Variants in IQCB1 observed in about 807,000 individuals in gnomAD.
IQCB1 encodes IQ calmodulin-binding motif-containing protein 1.
In IQCB1, 56 loss-of-function variants were observed where a neutral mutation model predicts 84.4. That is an observed-to-expected ratio of 0.66 (90% CI 0.54 to 0.83). The LOEUF is 0.83. IQCB1 is among the 40% of genes least tolerant of loss of function. The probability of loss-of-function intolerance (pLI) is 0.00; values close to 1 mark genes in which losing one functional copy is unlikely to be tolerated. For missense variants in IQCB1, 629 were observed against 682.1 expected, an observed-to-expected ratio of 0.92 and a Z score of 0.87; for synonymous variants, 210 against 234.8, an observed-to-expected ratio of 0.89 and a Z score of 0.96.
chr3:121,778,591 T>C (rs916086621), intron 13 of IQCB1, among the ~76,000 whole-genome samples: 5 of 152,084 alleles, frequency 3.3e-5, no homozygotes, highest in South Asian at 2.1e-4. Context: ...GACAACTTTT[T>C]TTCCTTTCAG....
chr3:121,787,378 T>A (rs1948776870), intron 12 of IQCB1, among the ~76,000 whole-genome samples: 1 of 152,106 alleles, frequency 6.6e-6, no homozygotes, highest in African/African-American at 2.4e-5. Flanking sequence ...GTCATTAAAT[T>A]TAAAAAACCA....
Position 121,785,561 on chromosome 3 carries a change from T to C in IQCB1, c.1278+2723A>G, listed in dbSNP as rs1288854476. 7.9e-5 allele frequency among the ~76,000 whole-genome samples: 12 copies of C among 152,338 alleles called. No individual in the cohort carries two copies. In the East Asian group the frequency reaches 9.6e-4, roughly 12 times the overall value. On this transcript the variant is annotated intron_variant, in intron 12 of 14. Transcript: ENST00000310864. ...GCCAACAGAAATGTAAGGTGAGTCA[T>C]ATATGTAATTTTAAATTTTCTAGTA...
chr3:121,797,766 C>T (rs1233327966), intron 8 of IQCB1, among the ~76,000 whole-genome samples: 1 of 151,868 alleles, frequency 6.6e-6, no homozygotes, highest in Admixed American at 6.6e-5. Flanking sequence ...TGAAGTGCTA[C>T]AACACTAGGA....
chr3:121,804,829 G>A (rs1004212933), intron 7 of IQCB1, among the ~76,000 whole-genome samples: 5 of 152,082 alleles, frequency 3.3e-5, no homozygotes, highest in Admixed American at 2.0e-4. Context: ...CCTGCTTTAC[G>A]TACTCTGATT....
In IQCB1 at chr3:121,815,209, C is replaced by A. The variant is rs926173946; in HGVS notation, c.394-6200G>T. 2.0e-5 allele frequency among the ~76,000 whole-genome samples: 3 copies of A among 152,096 alleles called. 1 individual carries two copies. The highest frequency in any genetic ancestry group is 7.2e-5 in the African/African-American group (3 of 41,424). On this transcript the variant is annotated intron_variant, in intron 5 of 14. Coordinates refer to ENST00000310864, the MANE Select transcript of IQCB1 (RefSeq NM_001023570.4). ...AAAAGGCCGCCAATAAAATTCAACA[C>A]CCCATTCATGCTAAAAACTCTCAAT...
rs981413902 is a variant in IQCB1 at position 121,831,678 on chromosome 3, C to T, written c.-12-2706G>A. On this transcript the variant is annotated intron_variant, in intron 2 of 14. Coordinates refer to ENST00000310864, the MANE Select transcript of IQCB1 (RefSeq NM_001023570.4). Reference sequence around the variant, plus strand: ...TGTCCGCTGCAGAATTGATTGCTTGCTTGTTGGTGGAAGAAAACTCCACAC... The same window carrying T: ...TGTCCGCTGCAGAATTGATTGCTTGTTTGTTGGTGGAAGAAAACTCCACAC... Among the ~76,000 whole-genome samples, 7 of 152,296 alleles carry T rather than the reference C, an allele frequency of 4.6e-5. No homozygotes were observed. In the East Asian group the frequency reaches 1.4e-3, roughly 29 times the overall value.
At chr3:121,826,991 AAATCTAAGT>A (rs1950486120) in intron 4 of IQCB1, among the ~76,000 whole-genome samples, 1 of 152,128 alleles carries the variant, frequency 6.6e-6, no homozygotes, top group Non-Finnish European at 1.5e-5. Context: ...AGCATGTTAA[AAATCTAAGT>A]AATCAATGGC....
At position 121,809,803 on chromosome 3, in the gene IQCB1, G is replaced by A. The variant is rs1315472876; in HGVS notation, c.394-794C>T. Among the ~76,000 whole-genome samples, 4 of 152,106 alleles carry A rather than the reference G, an allele frequency of 2.6e-5. No individual in the cohort carries two copies. In the East Asian group the frequency reaches 7.7e-4, roughly 29 times the overall value. On this transcript the variant is annotated intron_variant, in intron 5 of 14. Transcript: ENST00000310864. Reference sequence around the variant, plus strand: ...CACTAATCTTATCCATGTCCTGAATGTTTGTACTATAGCACAAAAGTAATG... The same window carrying A: ...CACTAATCTTATCCATGTCCTGAATATTTGTACTATAGCACAAAAGTAATG...
At chr3:121,781,650 CACACACACACACAA>C in intron 13 of IQCB1, 79 bp downstream of exon 13, 3 of 925,470 alleles carry the variant, frequency 3.2e-6, no homozygotes, top group Non-Finnish European at 4.8e-6. Context: ...CACACACACA[CACACACACACACAA>C]TATATGTGTG....
At chr3:121,773,313 T>TA (rs57716745) in intron 13 of IQCB1, among the ~76,000 whole-genome samples, 28,234 of 104,056 alleles carry the variant, frequency 0.27, 4,140 homozygotes, top group Admixed American at 0.41. Context: ...GACTCTGCCT[T>TA]AAAAAAAAAA....
chr3:121,788,306 G>A lies in IQCB1; in HGVS notation c.1256C>T (p.Ala419Val). ...CACTGCTCTTTGAAGTGTGACAGCT[G>A]CTTTATACTCTATGAGAGACTGCCT... The part of the protein sequence containing the change: ...QQRQSLIEYK[A>V]AVTLQRAALK... Residue 419 changes from alanine (A) to valine (V), a missense_variant, in exon 12 of 15, where the codon GCA (alanine) becomes GTA (valine). Coordinates refer to ENST00000310864, the MANE Select transcript of IQCB1 (RefSeq NM_001023570.4). 1 of 1,613,932 alleles carries A rather than the reference G, an allele frequency of 6.2e-7. No individual in the cohort carries two copies. Among genetic ancestry groups the A allele is most frequent in the Non-Finnish European group, 8.5e-7 (1 of 1,179,946 alleles).
intron 5 of IQCB1, among the ~76,000 whole-genome samples, chr3:121,824,893 A>G (rs1950408130): frequency 6.6e-6 from 1 of 152,212 alleles, no homozygotes; most frequent in Non-Finnish European, 1.5e-5. Context: ...CACTTATAGA[A>G]CATTACATAC....
At chr3:121,804,183 A>G (rs1949520193) in intron 7 of IQCB1, among the ~76,000 whole-genome samples, 1 of 152,120 alleles carries the variant, frequency 6.6e-6, no homozygotes, top group African/African-American at 2.4e-5. Flanking sequence ...TGTATAGTAT[A>G]AGAGTCTTAC....
intron 5 of IQCB1, among the ~76,000 whole-genome samples, chr3:121,820,979 CTTTT>C (rs11309493): frequency 6.0e-5 from 9 of 150,318 alleles, no homozygotes; most frequent in African/African-American, 2.0e-4. Context: ...CTGTTTTTTC[CTTTT>C]TTTTCTTTTT....
chr3:121,797,369 C>A, intron 8 of IQCB1, 142 bp from the exon 9 acceptor site: 1 of 484,646 alleles, frequency 2.1e-6, no homozygotes. Context: ...TTTCTTTTTC[C>A]TTTTCTCAGA....
chr3:121,800,948 A>G (rs9856046), intron 7 of IQCB1, among the ~76,000 whole-genome samples: 24,707 of 151,882 alleles, frequency 0.16, 2,658 homozygotes, highest in East Asian at 0.63. Context: ...CATATATACC[A>G]TAAGTGATTC....
Position 121,817,368 on chromosome 3 carries a change from A to G in IQCB1, c.394-8359T>C, listed in dbSNP as rs145142072. The stretch of plus-strand genomic sequence containing the variant: ...TACAGCAAACCACCATGGCACATGT[A>G]TACCCATGTAACAAACCTGGACATC... On this transcript the variant is annotated intron_variant, in intron 5 of 14. Transcript: ENST00000310864. 1.9e-3 allele frequency among the ~76,000 whole-genome samples: 288 copies of G among 152,238 alleles called. 1 individual carries two copies. The highest frequency in any genetic ancestry group is 6.3e-3 in the African/African-American group (263 of 41,558).
Position 121,815,241 on chromosome 3 carries a change from G to A in IQCB1, c.394-6232C>T, listed in dbSNP as rs552733436. Among the ~76,000 whole-genome samples, 6 of 152,220 alleles carry A rather than the reference G, an allele frequency of 3.9e-5. No homozygotes were observed. The East Asian group carries it at 7.7e-4, about 20-fold the overall frequency. ...CATGCTAAAAACTCTCAATGAACTA[G>A]GTATCGATGGAACATATCTCAAAAC... On this transcript the variant is annotated intron_variant, in intron 5 of 14. Coordinates refer to ENST00000310864, the MANE Select transcript of IQCB1 (RefSeq NM_001023570.4).
chr3:121,783,930 A>C (rs1257664773), intron 12 of IQCB1, among the ~76,000 whole-genome samples: 1 of 152,190 alleles, frequency 6.6e-6, no homozygotes, highest in Non-Finnish European at 1.5e-5. Flanking sequence ...TGACAATCTT[A>C]CTTCAATACT....
Sources: allele counts gnomAD v4.1 joint callset (sites outside exome capture counted in the v4.1 genomes callset), GRCh38; gene constraint gnomAD v4.1.1; transcripts MANE v1.5; gene names NCBI Gene and HGNC (gene_info 2026-07-23, HGNC 2026-07-21).